The following NDRG4 variants were observed in gnomAD, a reference collection of about 807,000 sequenced individuals.
NDRG4 encodes the protein NDRG family member 4.
Under a neutral mutation model 55.8 loss-of-function variants are expected in NDRG4, and 38 were observed. The observed-to-expected ratio is 0.68, with a 90% CI of 0.53 to 0.89. The LOEUF (loss-of-function observed/expected upper bound fraction) is 0.89. NDRG4 is among the 40% of genes least tolerant of loss of function. NDRG4 has a pLI of 0.00. For synonymous variants in NDRG4, 190 were observed against 182.7 expected (o/e 1.04, Z -0.32); for missense variants, 455 against 468.6 (o/e 0.97, Z 0.27).
chr16:58,503,303 G>A (rs997685696), intron 1 of NDRG4, among the ~76,000 whole-genome samples: 36 of 152,310 alleles, frequency 2.4e-4, no homozygotes, highest in Non-Finnish European at 4.9e-4. Flanking sequence ...GAGCCTTAGA[G>A]TGGGAGCCAG....
Position 58,504,573 on chromosome 16 carries a change from G to A in NDRG4, c.312-16G>A, listed in dbSNP as rs1200219630. 1.9e-6 allele frequency: 3 copies of A among 1,614,186 alleles called. No homozygotes were observed. The highest frequency in any genetic ancestry group is 2.5e-6 in the Non-Finnish European group (3 of 1,180,014). On this transcript the variant is annotated splice_polypyrimidine_tract_variant and intron_variant, in intron 4 of 14. Transcript: ENST00000570248. ...GGCACCCCTAGCCCTAGAGTGACCA[G>A]CCTGCTCTGCACCAGGTTCAAGTAT...
At chr16:58,502,944 C>T (rs957059028) in intron 1 of NDRG4, among the ~76,000 whole-genome samples, 10 of 152,250 alleles carry the variant, frequency 6.6e-5, no homozygotes, top group Non-Finnish European at 1.2e-4. Flanking sequence ...ATAACAGCCC[C>T]CTTTCTGGGG....
At chr16:58,468,209 T>G (rs2032084561) in intron 1 of NDRG4, among the ~76,000 whole-genome samples, 1 of 152,134 alleles carries the variant, frequency 6.6e-6, no homozygotes. Flanking sequence ...GAGGAGGCTG[T>G]TGGGGTCCTT....
At chr16:58,492,695 C>T (rs564672458) in intron 2 of NDRG4, among the ~76,000 whole-genome samples, 7 of 152,252 alleles carry the variant, frequency 4.6e-5, no homozygotes, top group Admixed American at 3.9e-4. Context: ...GTGTGAGTGA[C>T]CACGCCCGGC....
In NDRG4 at chr16:58,511,587, C is replaced by A. The variant is rs1245676777; in HGVS notation, c.*11C>A. ...GAGGTGTCCTGTTGAAGCCCTTGAT[C>A]CCGCTGACGACGCCCACGTCGAGGC... On this transcript the variant is annotated 3_prime_UTR_variant, in exon 15 of 15. Transcript: ENST00000570248. 1.2e-6 allele frequency: 2 copies of A among 1,613,042 alleles called. No homozygotes were observed.
At chr16:58,494,832 TAAA>T (rs59711785) in intron 2 of NDRG4, 354 of 543,644 alleles carry the variant, frequency 6.5e-4, no homozygotes, top group Middle Eastern at 2.2e-3. Flanking sequence ...ACCCTGTCTC[TAAA>T]AAAAAAAAAA....
intron 1 of NDRG4, 193 bp from the exon 2 acceptor site, chr16:58,503,605 A>G: frequency 1.8e-6 from 2 of 1,088,306 alleles, no homozygotes; most frequent in South Asian, 1.3e-5. Context: ...TTGTCTCTGT[A>G]CTGAACAGCC....
upstream of NDRG4, chr16:58,500,035 C>G: frequency 5.9e-6 from 8 of 1,365,772 alleles, no homozygotes; most frequent in Non-Finnish European, 6.8e-6. Flanking sequence ...AATATGGGAG[C>G]TGGGGCTCCT....
At chr16:58,495,953 G>A (rs1291250177), upstream of NDRG4, among the ~76,000 whole-genome samples, 1 of 152,192 alleles carries the variant, frequency 6.6e-6, no homozygotes, top group Admixed American at 6.5e-5. Flanking sequence ...GCCCAGGCTG[G>A]TGGGAAGGGA....
chr16:58,483,172 T>G (rs552064504), intron 1 of NDRG4, among the ~76,000 whole-genome samples: 92 of 152,272 alleles, frequency 6.0e-4, no homozygotes, highest in African/African-American at 2.2e-3. Context: ...TTCTGTAGGA[T>G]GTATAACTAC....
intron 2 of NDRG4, among the ~76,000 whole-genome samples, chr16:58,493,990 G>A (rs369770122): frequency 2.6e-5 from 4 of 152,302 alleles, no homozygotes; most frequent in East Asian, 1.9e-4. Context: ...ACTCAGACGC[G>A]GGGTTCCAGC....
intron 1 of NDRG4, among the ~76,000 whole-genome samples, chr16:58,482,695 TCCTCCCTCCCTCCTTTCCTTCCTCCCTC>T (rs2034578460): frequency 1.5e-5 from 2 of 131,740 alleles, no homozygotes; most frequent in Non-Finnish European, 3.3e-5. Context: ...CTCCCTTCCT[TCCTCCCTCCCTCCTTTCCTTCCTCCCTC>T]CCTCCCTCCC....
Position 58,475,735 on chromosome 16 carries a change from A to T in NDRG4, c.-24+11938A>T, listed in dbSNP as rs1005277584. 6 of 449,424 alleles carry T rather than the reference A, an allele frequency of 1.3e-5. 1 individual carries two copies. Among genetic ancestry groups the T allele is most frequent in the East Asian group, 1.4e-4 (2 of 14,318 alleles). 27.8% of individuals were successfully genotyped at this position (449,424 alleles called of 1,614,324 possible). ...CCTTTGAGCCTAAAATGGCTGTTCA[A>T]GCTCCTGCCATCACATCTGTATTCC... On this transcript the variant is annotated intron_variant, in intron 1 of 15. Coordinates refer to the NDRG4 transcript ENST00000258187.
upstream of NDRG4, chr16:58,499,841 G>A: frequency 2.8e-6 from 1 of 357,904 alleles, no homozygotes; most frequent in Admixed American, 4.2e-5. Context: ...TGTGGTCTCG[G>A]CTTTTGTATT....
At chr16:58,509,527 C>T (rs1195022645) in intron 13 of NDRG4, 175 bp downstream of exon 13, 9 of 662,106 alleles carry the variant, frequency 1.4e-5, no homozygotes, top group Non-Finnish European at 2.3e-5. Context: ...CAGATGCCAC[C>T]TGAGTTGCAA....
chr16:58,507,834 C>G lies in NDRG4; in HGVS notation c.647C>G (p.Pro216Arg). Residue 216 changes from proline to arginine, a missense_variant, in exon 9 of 15, where the codon CCT (proline) becomes CGT (arginine). Physicochemically the swap from Pro to Arg is moderately radical, Grantham distance 103 (BLOSUM62 -2). Transcript: ENST00000570248. Reference sequence around the variant, plus strand: ...CGCAGAGACCTGGACATTAACCGGCCTGGAACGGTGCCCAATGCCAAGACG... The same window carrying G: ...CGCAGAGACCTGGACATTAACCGGCGTGGAACGGTGCCCAATGCCAAGACG... ...NSRRDLDINRPGTVPNAKTLR... is the reference protein window; with the variant it reads ...NSRRDLDINRRGTVPNAKTLR... 6.2e-7 allele frequency: 1 copy of G among 1,614,018 alleles called. No individual in the cohort carries two copies.
At position 58,492,878 on chromosome 16, in the gene NDRG4, C is replaced by G. The variant is rs140366959; in HGVS notation, c.73-2086C>G. The stretch of plus-strand genomic sequence containing the variant: ...ATCAGCCCCAGGCCCTTGTCCTCCC[C>G]CTCCAGCCCCATCCTTTCCCTCCTC... On this transcript the variant is annotated intron_variant, in intron 2 of 15. Coordinates refer to the NDRG4 transcript ENST00000258187. 4.8e-3 allele frequency among the ~76,000 whole-genome samples: 738 copies of G among 152,206 alleles called. 5 individuals are homozygous for G. Among genetic ancestry groups the G allele is most frequent in the African/African-American group, 0.016 (682 of 41,508 alleles).
rs867104653 is a variant in NDRG4, at chr16:58,512,159, G to A, written c.*583G>A. 40 of 454,094 alleles carry A rather than the reference G, an allele frequency of 8.8e-5. No homozygotes were observed. The Middle Eastern group carries it at 9.6e-3, about 109-fold the overall frequency. 28.1% of individuals were successfully genotyped at this position (454,094 alleles called of 1,614,324 possible). A position where few individuals can be genotyped will look rare whatever the true frequency, so the allele number is the denominator to read the frequency against. ...GCTGTAGGGCCACGCAGGCAGGGGC[G>A]TCAAGGGGTTTCTCTGCCCAAGGAA... On this transcript the variant is annotated 3_prime_UTR_variant, in exon 15 of 15. Transcript: ENST00000570248.
At chr16:58,474,437 T>C (rs1250584062) in intron 1 of NDRG4, among the ~76,000 whole-genome samples, 1 of 152,180 alleles carries the variant, frequency 6.6e-6, no homozygotes, top group East Asian at 1.9e-4. Flanking sequence ...CTGAGTGCCC[T>C]TCCCGGACAT....
Sources: allele counts gnomAD v4.1 joint callset (sites outside exome capture counted in the v4.1 genomes callset), GRCh38; gene constraint gnomAD v4.1.1; transcripts MANE v1.5; gene names NCBI Gene and HGNC (gene_info 2026-07-23, HGNC 2026-07-21).